USP32: variants seen among roughly 807,000 people sequenced by gnomAD.
The protein encoded by USP32 is ubiquitin specific peptidase 32, also known as ubiquitin carboxyl-terminal hydrolase 32.
In USP32, 59 loss-of-function variants were observed where a neutral mutation model predicts 204.8. The ratio of observed to expected loss-of-function variants is 0.29; its 90% CI spans 0.23 to 0.36. The LOEUF (loss-of-function observed/expected upper bound fraction) is 0.36, where lower values mean the gene tolerates loss of function less well. Among genes scored for constraint, USP32 ranks in the 10% least tolerant of loss-of-function variants. USP32 has a pLI of 1.00. For missense variants in USP32, 1,160 were observed against 1,946.4 expected, an observed-to-expected ratio of 0.60 and a Z score of 7.60; for synonymous variants, 517 against 678.4, an observed-to-expected ratio of 0.76 and a Z score of 3.70.
intron 1 of USP32, among the ~76,000 whole-genome samples, chr17:60,408,180 G>A (rs1270988852): frequency 1.3e-5 from 2 of 152,102 alleles, no homozygotes; most frequent in East Asian, 1.9e-4. Flanking sequence ...AGAAGCAGGG[G>A]GGAAAAATCA....
intron 1 of USP32, among the ~76,000 whole-genome samples, chr17:60,356,468 C>T (rs1598281174): frequency 1.3e-5 from 2 of 152,216 alleles, no homozygotes; most frequent in East Asian, 3.9e-4. Flanking sequence ...ACTGACTGTA[C>T]AACATTTGAA....
At chr17:60,356,650 T>C (rs2089085461) in intron 1 of USP32, among the ~76,000 whole-genome samples, 1 of 152,090 alleles carries the variant, frequency 6.6e-6, no homozygotes, top group Non-Finnish European at 1.5e-5. Flanking sequence ...AAATAAATAA[T>C]AGCAGGAACA....
intron 3 of USP32, among the ~76,000 whole-genome samples, chr17:60,300,299 T>C (rs1054340503): frequency 5.3e-5 from 8 of 152,168 alleles, no homozygotes; most frequent in African/African-American, 1.9e-4. Flanking sequence ...AAGAAAAGAA[T>C]GAGGGGACAG....
At chr17:60,367,984 G>A (rs2089352434) in intron 1 of USP32, among the ~76,000 whole-genome samples, 1 of 151,926 alleles carries the variant, frequency 6.6e-6, no homozygotes, top group African/African-American at 2.4e-5. Context: ...GATAACAGGA[G>A]GCTCTGCTTA....
Position 60,212,199 on chromosome 17 carries a change from T to G in USP32, c.2105-101A>C, listed in dbSNP as rs953346652. On this transcript the variant is annotated intron_variant, in intron 18 of 33. Coordinates refer to ENST00000300896, the MANE Select transcript of USP32 (RefSeq NM_032582.4). ...AGACATCTTATTCCTAAATCAGAAG[T>G]TTTAAAATCTAGTTAATTTTAGTAC... 2.9e-6 allele frequency: 3 copies of G among 1,020,006 alleles called. No homozygotes were observed. The Admixed American group carries it at 7.8e-5, about 27-fold the overall frequency. The allele number at this position is 1,020,006 out of a possible 1,614,324, so 63.2% of individuals were successfully genotyped here.
At chr17:60,421,833 C>A (rs2090120221) in intron 1 of USP32, 1 of 984,150 alleles carries the variant, frequency 1.0e-6, no homozygotes, top group Non-Finnish European at 1.2e-6. Context: ...ACACCCGGCT[C>A]CCCGCCTGGT....
rs567210272 is a variant in USP32, at chr17:60,287,569, G to A, written c.571+954C>T. 2.7e-5 allele frequency among the ~76,000 whole-genome samples: 4 copies of A among 150,766 alleles called. No homozygotes were observed. In the South Asian group the frequency reaches 8.4e-4, roughly 32 times the overall value. On this transcript the variant is annotated intron_variant, in intron 5 of 33. Transcript: ENST00000300896. ...CTGGTGTAGATATGTGATTTTTACT[G>A]AGCCAGGTAAGCAGACCCAATTGCG...
chr17:60,238,803 CA>C (rs562875704), intron 11 of USP32, among the ~76,000 whole-genome samples: 1,337 of 95,742 alleles, frequency 0.014, 7 homozygotes, highest in South Asian at 0.035. Flanking sequence ...GACTCCATCT[CA>C]AAAAAAAAAA....
chr17:60,363,755 T>G (rs1454160400), intron 1 of USP32, among the ~76,000 whole-genome samples: 1 of 151,818 alleles, frequency 6.6e-6, no homozygotes, highest in Non-Finnish European at 1.5e-5. Context: ...CACCTCAGCC[T>G]CCCAAAATGC....
In USP32 at chr17:60,226,152, A is replaced by G. The variant is rs1429001384; in HGVS notation, c.1319T>C (p.Met440Thr). Residue 440 changes from methionine to threonine, a missense_variant, in exon 13 of 34, where the codon ATG (methionine) becomes ACG (threonine). Coordinates refer to ENST00000300896, the MANE Select transcript of USP32 (RefSeq NM_032582.4). ...TCCAATTCTATCTTCGACCTGCTCC[A>G]TAGGATGGGCTGCAGTTCCAAATGA... ...KYSFGTAAHP[M>T]EQVEDRIGSS... 1.2e-6 allele frequency: 2 copies of G among 1,606,524 alleles called. No homozygotes were observed. Among genetic ancestry groups the G allele is most frequent in the East Asian group, 2.2e-5 (1 of 44,446 alleles).
chr17:60,185,447 G>C lies in USP32; in HGVS notation c.3834+13C>G. On this transcript the variant is annotated intron_variant, in intron 30 of 33. Transcript: ENST00000300896. ...CAGATTCCTGCTCTCTCAGAGGCAG[G>C]ACTGTAACATACCAGGATGGGTGGA... is the stretch of plus-strand genomic sequence containing the variant. The C allele has an allele frequency of 6.3e-7, 1 of 1,593,666 alleles. No homozygotes were observed. The highest frequency in any genetic ancestry group is 1.3e-5 in the African/African-American group (1 of 74,714).
intron 21 of USP32, among the ~76,000 whole-genome samples, chr17:60,209,961 T>C (rs2084917780): frequency 1.3e-5 from 2 of 151,928 alleles, no homozygotes; most frequent in South Asian, 2.1e-4. Context: ...ATGCATAAAA[T>C]AATGTGTATA....
At chr17:60,382,647 T>TA (rs2146117794) in intron 1 of USP32, among the ~76,000 whole-genome samples, 1 of 152,348 alleles carries the variant, frequency 6.6e-6, no homozygotes, top group Non-Finnish European at 1.5e-5. Context: ...GTGTGTTGAA[T>TA]TTTATATAAC....
chr17:60,358,054 C>G (rs1259181044), intron 1 of USP32, among the ~76,000 whole-genome samples: 1 of 152,062 alleles, frequency 6.6e-6, no homozygotes, highest in Admixed American at 6.6e-5. Flanking sequence ...CAGGTGTGAG[C>G]CACCACACCC....
chr17:60,253,971 C>T (rs995752662), intron 10 of USP32, among the ~76,000 whole-genome samples: 1 of 152,026 alleles, frequency 6.6e-6, no homozygotes. Context: ...GTTTTAAATA[C>T]ATAAAACTTA....
At chr17:60,371,788 T>C (rs1468759506) in intron 1 of USP32, among the ~76,000 whole-genome samples, 1 of 152,144 alleles carries the variant, frequency 6.6e-6, no homozygotes, top group African/African-American at 2.4e-5. Flanking sequence ...ATTAGAAGAA[T>C]AAACTGCCAA....
chr17:60,337,021 C>T (rs968872851), intron 2 of USP32, among the ~76,000 whole-genome samples: 25 of 152,188 alleles, frequency 1.6e-4, no homozygotes, highest in Admixed American at 1.4e-3. Context: ...TTATCAATGA[C>T]TAGAGTTGTC....
At chr17:60,366,281 C>T (rs183985432) in intron 1 of USP32, among the ~76,000 whole-genome samples, 2 of 152,264 alleles carry the variant, frequency 1.3e-5, no homozygotes, top group East Asian at 1.9e-4. Flanking sequence ...GCCTCAGCCT[C>T]CCAAGTAGCT....
At chr17:60,182,994 A>C (rs1345354009) in intron 31 of USP32, among the ~76,000 whole-genome samples, 171 bp downstream of exon 31, 3 of 152,202 alleles carry the variant, frequency 2.0e-5, no homozygotes, top group Non-Finnish European at 2.9e-5. Flanking sequence ...AAATAGATTC[A>C]GGGAGGCTGA....
Sources: allele counts gnomAD v4.1 joint callset (sites outside exome capture counted in the v4.1 genomes callset), GRCh38; gene constraint gnomAD v4.1.1; transcripts MANE v1.5; gene names NCBI Gene and HGNC (gene_info 2026-07-23, HGNC 2026-07-21).